The following SEPTIN7 variants were observed in gnomAD, a reference collection of about 807,000 sequenced individuals.
SEPTIN7 encodes septin 7.
Under a neutral mutation model 63.3 loss-of-function variants are expected in SEPTIN7, and 10 were observed. The ratio of observed to expected loss-of-function variants is 0.16; its 90% CI spans 0.10 to 0.27. The LOEUF (loss-of-function observed/expected upper bound fraction) is 0.27. SEPTIN7 is among the 10% of genes least tolerant of loss of function. The pLI is 1.00. For synonymous variants in SEPTIN7, 131 were observed against 165.3 expected (o/e 0.79, Z 1.59); for missense variants, 310 against 521.0 (o/e 0.59, Z 3.94).
chr7:35,826,940 A>T (rs1431654239), intron 1 of SEPTIN7, among the ~76,000 whole-genome samples: 1 of 152,200 alleles, frequency 6.6e-6, no homozygotes, highest in Admixed American at 6.5e-5. Context: ...TCTATCTATT[A>T]GAACTTGTTT....
At chr7:35,856,495 T>A (rs1001353596) in intron 3 of SEPTIN7, among the ~76,000 whole-genome samples, 9 of 152,378 alleles carry the variant, frequency 5.9e-5, no homozygotes, top group Middle Eastern at 3.4e-3. Flanking sequence ...GAAGGGCAAT[T>A]GCTGGATCAT....
At chr7:35,911,641 A>G (rs1468043892), downstream of SEPTIN7, among the ~76,000 whole-genome samples, 1 of 152,144 alleles carries the variant, frequency 6.6e-6, no homozygotes, top group Non-Finnish European at 1.5e-5. Flanking sequence ...ACATATAATA[A>G]GAAGTATGGC....
chr7:35,850,753 C>A (rs1784916814), intron 3 of SEPTIN7, among the ~76,000 whole-genome samples: 1 of 152,080 alleles, frequency 6.6e-6, no homozygotes, highest in African/African-American at 2.4e-5. Context: ...GTTTGCATAT[C>A]TTACCTCTTG....
chr7:35,887,928 C>T (rs1787366771), intron 10 of SEPTIN7, among the ~76,000 whole-genome samples: 1 of 152,020 alleles, frequency 6.6e-6, no homozygotes, highest in Non-Finnish European at 1.5e-5. Flanking sequence ...GTCTGTAAAT[C>T]CCAAATAATT....
rs1419574663 is a variant in SEPTIN7 at position 35,906,347 on chromosome 7, G to T, written c.*2054G>T. 1.3e-5 allele frequency: 2 copies of T among 152,136 alleles called. No homozygotes were observed. Among genetic ancestry groups the T allele is most frequent in the Non-Finnish European group, 2.9e-5 (2 of 68,038 alleles). 9.4% of individuals were successfully genotyped at this position (152,136 alleles called of 1,614,324 possible). A position where few individuals can be genotyped will look rare whatever the true frequency, so the allele number is the denominator to read the frequency against. ...TCTATATAACTTTACTAGGACTTTT[G>T]ATTGTTGACTCCAGGCTTAGGTATA... On this transcript the variant is annotated 3_prime_UTR_variant, in exon 14 of 14. Coordinates refer to ENST00000350320, the MANE Select transcript of SEPTIN7 (RefSeq NM_001788.6).
chr7:35,817,603 T>C (rs1789154296), intron 1 of SEPTIN7, among the ~76,000 whole-genome samples: 1 of 152,124 alleles, frequency 6.6e-6, no homozygotes, highest in African/African-American at 2.4e-5. Flanking sequence ...ATAGCCATGG[T>C]GTTGAACTTG....
At chr7:35,872,393 CTG>C (rs1786204722) in intron 4 of SEPTIN7, among the ~76,000 whole-genome samples, 2 of 152,136 alleles carry the variant, frequency 1.3e-5, no homozygotes, top group South Asian at 4.1e-4. Context: ...ATCAGTTCCT[CTG>C]TCTGTCTTTA....
intron 4 of SEPTIN7, among the ~76,000 whole-genome samples, chr7:35,864,987 T>A (rs924228026): frequency 5.6e-4 from 85 of 152,206 alleles, no homozygotes; most frequent in Admixed American, 3.5e-3. Context: ...GTGAAGTGAA[T>A]TTCTTATTTC....
chr7:35,869,944 G>T (rs1055527889), intron 4 of SEPTIN7, among the ~76,000 whole-genome samples: 1 of 152,198 alleles, frequency 6.6e-6, no homozygotes, highest in Non-Finnish European at 1.5e-5. Context: ...GATGTGACCT[G>T]CTTAAGGAAA....
chr7:35,855,996 A>G (rs1785185083), intron 3 of SEPTIN7, among the ~76,000 whole-genome samples: 1 of 152,214 alleles, frequency 6.6e-6, no homozygotes. Context: ...TTTGTTATTT[A>G]TATTCTTCTG....
chr7:35,855,833 G>A (rs1785176142), intron 3 of SEPTIN7, among the ~76,000 whole-genome samples: 1 of 152,042 alleles, frequency 6.6e-6, no homozygotes, highest in South Asian at 2.1e-4. Flanking sequence ...AGAAATTTGT[G>A]TATATATATT....
In SEPTIN7 at chr7:35,810,609, C is replaced by T. The variant is rs551678463; in HGVS notation, c.61+9339C>T. 4.6e-5 allele frequency among the ~76,000 whole-genome samples: 7 copies of T among 152,236 alleles called. No homozygotes were observed. In the East Asian group the frequency reaches 1.4e-3, roughly 29 times the overall value. On this transcript the variant is annotated intron_variant, in intron 1 of 13. Coordinates refer to ENST00000350320, the MANE Select transcript of SEPTIN7 (RefSeq NM_001788.6). ...AAGTGCTGGGATTACAGGCGTGAGC[C>T]ACCGCGCCCAGCCAGATGTTTACTT...
intron 3 of SEPTIN7, among the ~76,000 whole-genome samples, chr7:35,859,487 T>C (rs1027101159): frequency 3.9e-5 from 6 of 152,204 alleles, no homozygotes; most frequent in Admixed American, 3.9e-4. Flanking sequence ...CAGTGTTTTG[T>C]CTATGTCTGT....
At chr7:35,827,742 C>T (rs1354090751) in intron 1 of SEPTIN7, among the ~76,000 whole-genome samples, 2 of 152,126 alleles carry the variant, frequency 1.3e-5, no homozygotes, top group Non-Finnish European at 2.9e-5. Flanking sequence ...CTGCCTGCCT[C>T]GGTCTCCCAA....
intron 10 of SEPTIN7, among the ~76,000 whole-genome samples, chr7:35,887,012 T>G (rs1201396688): frequency 6.6e-6 from 1 of 152,194 alleles, no homozygotes; most frequent in Non-Finnish European, 1.5e-5. Context: ...CCTCACTTAG[T>G]GGAGAAGAGC....
chr7:35,804,270 G>C (rs1426933833), intron 1 of SEPTIN7, among the ~76,000 whole-genome samples: 2 of 152,156 alleles, frequency 1.3e-5, no homozygotes, highest in Non-Finnish European at 2.9e-5. Context: ...AAAGAAAAGG[G>C]TAGCATTCGG....
intron 3 of SEPTIN7, among the ~76,000 whole-genome samples, chr7:35,861,625 C>T (rs1254952901): frequency 1.3e-5 from 2 of 152,166 alleles, no homozygotes; most frequent in Non-Finnish European, 2.9e-5. Context: ...CTCAGATGGT[C>T]TATTGTATCT....
At chr7:35,802,083 T>C (rs774032581) in intron 1 of SEPTIN7, among the ~76,000 whole-genome samples, 34 of 152,080 alleles carry the variant, frequency 2.2e-4, no homozygotes, top group Non-Finnish European at 4.6e-4. Context: ...GGAAGGGTCC[T>C]TGGAAAAGGG....
At chr7:35,910,088 C>A (rs1174281698), downstream of SEPTIN7, among the ~76,000 whole-genome samples, 33 of 152,180 alleles carry the variant, frequency 2.2e-4, no homozygotes, top group Admixed American at 1.3e-3. Context: ...GCTTGAGTGG[C>A]CTTGTGACAT....
Sources: allele counts gnomAD v4.1 joint callset (sites outside exome capture counted in the v4.1 genomes callset), GRCh38; gene constraint gnomAD v4.1.1; transcripts MANE v1.5; gene names NCBI Gene and HGNC (gene_info 2026-07-23, HGNC 2026-07-21).